Variants in PRMT5 observed in about 807,000 individuals in gnomAD.
PRMT5 encodes protein arginine N-methyltransferase 5.
Under a neutral mutation model 84.0 loss-of-function variants are expected in PRMT5, and 15 were observed. That is an observed-to-expected ratio of 0.18 (90% CI 0.12 to 0.28). PRMT5 has a LOEUF of 0.28. Among genes scored for constraint, PRMT5 ranks in the 10% least tolerant of loss-of-function variants. PRMT5 has a pLI of 1.00. For synonymous variants in PRMT5, 276 were observed against 292.4 expected (o/e 0.94, Z 0.57); for missense variants, 486 against 808.0 (o/e 0.60, Z 4.83).
intron 14 of PRMT5, 73 bp downstream of exon 14, chr14:22,922,669 G>A: frequency 1.3e-6 from 2 of 1,532,354 alleles, no homozygotes; most frequent in South Asian, 2.2e-5. Flanking sequence ...ACTAGGGACA[G>A]TAAGGGAAGA....
intron 15 of PRMT5, 55 bp downstream of exon 15, chr14:22,922,388 A>G: frequency 6.8e-7 from 1 of 1,474,926 alleles, no homozygotes; most frequent in Non-Finnish European, 9.5e-7. Flanking sequence ...TGTACATATA[A>G]GCTGCCCAGG....
At position 22,929,350 on chromosome 14, in the gene PRMT5, C is replaced by T. The variant is rs1338985213; in HGVS notation, c.12G>A (p.Met4Ile). The stretch of plus-strand genomic sequence containing the variant: ...GGCTCCCACCAGCACCCCCGACCGC[C>T]ATCGCCGCCATCTTTCTCCTCGCGC... MAA[M>I]AVGGAGGSRV... Residue 4 changes from methionine to isoleucine, a missense_variant, in exon 1 of 17, where the codon ATG (methionine) becomes ATA (isoleucine). By Grantham distance (10) the Met-to-Ile change is conservative. Around this residue, in one of 4 missense-constraint regions of PRMT5, gnomAD observed 51 missense variants for 53.8 expected, o/e 0.95. Coordinates refer to ENST00000324366, the MANE Select transcript of PRMT5 (RefSeq NM_006109.5). 4.4e-6 allele frequency: 7 copies of T among 1,608,616 alleles called. No individual in the cohort carries two copies. Among genetic ancestry groups the T allele is most frequent in the Admixed American group, 3.3e-5 (2 of 59,824 alleles).
intron 16 of PRMT5, among the ~76,000 whole-genome samples, chr14:22,921,672 CAGG>C (rs1053106289): frequency 6.6e-6 from 1 of 152,076 alleles, no homozygotes; most frequent in African/African-American, 2.4e-5. Flanking sequence ...ATCATGAGGT[CAGG>C]AGATCGAGAC....
Position 22,920,660 on chromosome 14 carries a change from T to C in PRMT5, c.*244A>G, listed in dbSNP as rs1355190560. 3 of 699,554 alleles carry C rather than the reference T, an allele frequency of 4.3e-6. No individual in the cohort carries two copies. Among genetic ancestry groups the C allele is most frequent in the East Asian group, 2.8e-5 (1 of 35,114 alleles). 43.3% of individuals were successfully genotyped at this position (699,554 alleles called of 1,614,324 possible). ...ATTCCAGGGAGTTCTTGAGGCTGAG[T>C]GCGTAGCTTCAAATCCAGCACTAAT... On this transcript the variant is annotated 3_prime_UTR_variant, in exon 17 of 17. Coordinates refer to ENST00000324366, the MANE Select transcript of PRMT5 (RefSeq NM_006109.5).
chr14:22,923,977 AC>A lies in PRMT5; in HGVS notation c.1375+30del. 1.3e-6 allele frequency: 2 copies of A among 1,524,448 alleles called. No homozygotes were observed. Among genetic ancestry groups the A allele is most frequent in the Non-Finnish European group, 1.8e-6 (2 of 1,139,398 alleles). 94.4% of individuals were successfully genotyped at this position (1,524,448 alleles called of 1,614,324 possible). On this transcript the variant is annotated intron_variant, in intron 12 of 16. Transcript: ENST00000324366. This position sits in a 1 kb window ranked among gnomAD's most constrained non-coding sequence, Gnocchi z 5.2. ...CCAGGTTGCTGTCTCACCCATCATC[AC>A]CCTCCACCTACACCCCAACCTGGGG...
chr14:22,922,153 A>G (rs371105757), intron 16 of PRMT5, 23 bp downstream of exon 16: 2 of 1,531,248 alleles, frequency 1.3e-6, no homozygotes, highest in East Asian at 2.2e-5. Flanking sequence ...GCTTAACTAG[A>G]GAGTCTTAAA....
chr14:22,928,072 T>C lies in PRMT5; in HGVS notation c.315+54A>G. 2.0e-6 allele frequency: 3 copies of C among 1,464,062 alleles called. No homozygotes were observed. 90.7% of individuals were successfully genotyped at this position (1,464,062 alleles called of 1,614,324 possible). A position where few individuals can be genotyped will look rare whatever the true frequency, so the allele number is the denominator to read the frequency against. Reference sequence around the variant, plus strand: ...GTTATTGGGGATGGGAGGGGACCACTCTCCCCACCCAGCTTGGTTAGAAAA... The same window carrying C: ...GTTATTGGGGATGGGAGGGGACCACCCTCCCCACCCAGCTTGGTTAGAAAA... On this transcript the variant is annotated intron_variant, in intron 3 of 16. Transcript: ENST00000324366. The surrounding 1 kb of genome is among the most constrained non-coding windows in gnomAD (Gnocchi z 4.8).
At chr14:22,929,187 T>A (rs373412026) in intron 1 of PRMT5, 65 bp downstream of exon 1, 20 of 1,613,934 alleles carry the variant, frequency 1.2e-5, no homozygotes, top group Non-Finnish European at 1.7e-5. Context: ...CCGGGATGAC[T>A]AGTCTGCCCT....
chr14:22,924,415 A>G lies in PRMT5; in HGVS notation c.1077-23T>C. On this transcript the variant is annotated intron_variant, in intron 10 of 16. Coordinates refer to ENST00000324366, the MANE Select transcript of PRMT5 (RefSeq NM_006109.5). The surrounding 1 kb of genome is among the most constrained non-coding windows in gnomAD (Gnocchi z 6.5). Reference sequence around the variant, plus strand: ...ACCCTAAGAAAGAAAGGGAAGAGTCAAGCAGACTTGGCATATACAGATATA... The same window carrying G: ...ACCCTAAGAAAGAAAGGGAAGAGTCGAGCAGACTTGGCATATACAGATATA... The G allele has an allele frequency of 6.2e-7, 1 of 1,614,042 alleles. No individual in the cohort carries two copies. Among genetic ancestry groups the G allele is most frequent in the Non-Finnish European group, 8.5e-7 (1 of 1,179,988 alleles).
Position 22,924,523 on chromosome 14 carries a change from A to AC in PRMT5, c.1031dup (p.Cys344TrpfsTer64). On this transcript the variant is annotated frameshift_variant, in exon 10 of 17. Coordinates refer to ENST00000324366, the MANE Select transcript of PRMT5 (RefSeq NM_006109.5). LOFTEE classifies it high-confidence loss of function. This position sits in a 1 kb window ranked among gnomAD's most constrained non-coding sequence, Gnocchi z 6.5. ...CCTCTTCTGGTACTCGGTCTAGCAG[A>AC]CATTTATAGATGGCCTGGAGGGAGG... is the stretch of plus-strand genomic sequence containing the variant. 6.2e-7 allele frequency: 1 copy of AC among 1,614,092 alleles called. No individual in the cohort carries two copies. Among genetic ancestry groups the AC allele is most frequent in the Non-Finnish European group, 8.5e-7 (1 of 1,179,986 alleles).
At position 22,924,989 on chromosome 14, in the gene PRMT5, A is replaced by C; in HGVS notation, c.829T>G (p.Phe277Val). 6.2e-7 allele frequency: 1 copy of C among 1,613,880 alleles called. No individual in the cohort carries two copies. Among genetic ancestry groups the C allele is most frequent in the Non-Finnish European group, 8.5e-7 (1 of 1,179,970 alleles). ...TCCAGGTATTGGAGGTAGGAGCAGAACTCCTTCTCTGAGTGGTGGTTGGTG... is the reference window on the plus strand; with the variant it reads ...TCCAGGTATTGGAGGTAGGAGCAGACCTCCTTCTCTGAGTGGTGGTTGGTG... ...TGTNHHSEKEFCSYLQYLEYL... is the reference protein window; with the variant it reads ...TGTNHHSEKEVCSYLQYLEYL... The change falls in exon 8 of 17, where the codon TTC becomes GTC. Residue 277 changes from phenylalanine to valine, a missense_variant. By Grantham distance (50) the Phe-to-Val change is conservative (BLOSUM62 -1). Coordinates refer to ENST00000324366, the MANE Select transcript of PRMT5 (RefSeq NM_006109.5). The surrounding 1 kb of genome is among the most constrained non-coding windows in gnomAD (Gnocchi z 6.5).
rs541790196 is a variant in PRMT5, at chr14:22,927,779, C to T, written c.316-119G>A. The T allele has an allele frequency of 4.6e-5, 57 of 1,244,934 alleles. No homozygotes were observed. In the East Asian group the frequency reaches 1.4e-3, roughly 31 times the overall value. The allele number at this position is 1,244,934 out of a possible 1,614,324, so 77.1% of individuals were successfully genotyped here. On this transcript the variant is annotated intron_variant, in intron 3 of 16. Coordinates refer to ENST00000324366, the MANE Select transcript of PRMT5 (RefSeq NM_006109.5). ...CTGGAGTGCAGTGGCACAGTCTCCACTCACTGCAGCCTTGACCTTCCCAAG... is the reference window on the plus strand; with the variant it reads ...CTGGAGTGCAGTGGCACAGTCTCCATTCACTGCAGCCTTGACCTTCCCAAG...
In PRMT5 at chr14:22,920,728, A is replaced by G. The variant is rs939758467; in HGVS notation, c.*176T>C. On this transcript the variant is annotated 3_prime_UTR_variant, in exon 17 of 17. Transcript: ENST00000324366. ...GAGGTCTTCATAGATTGGTGGCTTG[A>G]GCCCTGCAATTAATTATAATCCCTT... is the stretch of plus-strand genomic sequence containing the variant. 2 of 937,694 alleles carry G rather than the reference A, an allele frequency of 2.1e-6. No individual in the cohort carries two copies. Among genetic ancestry groups the G allele is most frequent in the African/African-American group, 1.6e-5 (1 of 61,534 alleles). The allele number at this position is 937,694 out of a possible 1,614,324, so 58.1% of individuals were successfully genotyped here.
rs369536280 is a variant in PRMT5, at chr14:22,929,321, A to G, written c.41T>C (p.Val14Ala). ...MAVGGAGGSRVSSGRDLNCVP... is the reference protein window; with the variant it reads ...MAVGGAGGSRASSGRDLNCVP... ...GCAATTCAGGTCCCTCCCGCTGGAC[A>G]CGCGGCTCCCACCAGCACCCCCGAC... Residue 14 changes from valine (V) to alanine (A), a missense_variant, in exon 1 of 17, where the codon GTG (valine) becomes GCG (alanine). This residue lies in a region of PRMT5 where 51 missense variants were observed against 53.8 expected (regional missense o/e 0.95). Coordinates refer to ENST00000324366, the MANE Select transcript of PRMT5 (RefSeq NM_006109.5). 1.9e-6 allele frequency: 3 copies of G among 1,612,572 alleles called. No homozygotes were observed. Among genetic ancestry groups the G allele is most frequent in the Non-Finnish European group, 2.5e-6 (3 of 1,179,714 alleles).
rs1334341116 is a variant in PRMT5, at chr14:22,928,531, G to C, written c.195C>G (p.Pro65=). 2.1e-5 allele frequency: 34 copies of C among 1,613,820 alleles called. No individual in the cohort carries two copies. The highest frequency in any genetic ancestry group is 2.5e-5 in the Non-Finnish European group (29 of 1,179,838). Residue 65 remains proline (P), a synonymous_variant, in exon 2 of 17, where the codon CCC becomes CCG. Coordinates refer to ENST00000324366, the MANE Select transcript of PRMT5 (RefSeq NM_006109.5). This position sits in a 1 kb window ranked among gnomAD's most constrained non-coding sequence, Gnocchi z 4.8. The stretch of plus-strand genomic sequence containing the variant: ...ACAGCAGTAGGTCTGATCGTGTCTG[G>C]GGACCGGGCCGATTCTTAGCAGGTT... ...IQEPAKNRPG[P]QTRSDLLLSG...
chr14:22,925,116 C>G (rs769527409), intron 7 of PRMT5, 76 bp from the exon 8 acceptor site: 1 of 1,489,162 alleles, frequency 6.7e-7, no homozygotes, highest in Non-Finnish European at 9.1e-7. Context: ...GGCCAAAGAG[C>G]CCTAGTGTAA....
At chr14:22,926,456 C>T in intron 6 of PRMT5, 50 bp downstream of exon 6, 1 of 1,604,324 alleles carries the variant, frequency 6.2e-7, no homozygotes. Flanking sequence ...GATTCTTATT[C>T]ACAGGAGGTA....
In PRMT5 at chr14:22,928,290, CAA is replaced by C. The variant is rs3830954; in HGVS notation, c.230-81_230-80del. 4.1e-4 allele frequency: 617 copies of C among 1,497,226 alleles called. 5 individuals are homozygous for C. In the East Asian group the frequency reaches 0.013, roughly 32 times the overall value. The allele number at this position is 1,497,226 out of a possible 1,614,324, so 92.7% of individuals were successfully genotyped here. Reference sequence around the variant, plus strand: ...TTGTTCAATTTTTAGTTTTGGGAATCAAGAGTAGAAATGAGAGACAAAGGTTT... The same window carrying C: ...TTGTTCAATTTTTAGTTTTGGGAATCGAGTAGAAATGAGAGACAAAGGTTT... On this transcript the variant is annotated intron_variant, in intron 2 of 16. Transcript: ENST00000324366. The surrounding 1 kb of genome is among the most constrained non-coding windows in gnomAD (Gnocchi z 4.8).
rs370355589 is a variant in PRMT5 at position 22,924,714 on chromosome 14, T to C, written c.940-5A>G. On this transcript the variant is annotated splice_polypyrimidine_tract_variant and splice_region_variant and intron_variant, in intron 8 of 16. Transcript: ENST00000324366. This position sits in a 1 kb window ranked among gnomAD's most constrained non-coding sequence, Gnocchi z 6.5. Reference sequence around the variant, plus strand: ...TTCCAGATTGTCCATCAGTGGCTGATGAATGAGGAAAAGGACAAAGTTAGC... The same window carrying C: ...TTCCAGATTGTCCATCAGTGGCTGACGAATGAGGAAAAGGACAAAGTTAGC... The C allele has an allele frequency of 9.4e-5, 151 of 1,613,398 alleles. No homozygotes were observed. The highest frequency in any genetic ancestry group is 1.2e-4 in the Non-Finnish European group (144 of 1,179,614).
Sources: allele counts gnomAD v4.1 joint callset (sites outside exome capture counted in the v4.1 genomes callset), GRCh38; gene constraint gnomAD v4.1.1; regional missense constraint gnomAD v4.1.1; non-coding constraint Gnocchi (gnomAD v3.1); transcripts MANE v1.5; gene names NCBI Gene and HGNC (gene_info 2026-07-23, HGNC 2026-07-21).